The following THBS2 variants were observed in gnomAD, a reference collection of about 807,000 sequenced individuals.
THBS2 encodes the protein thrombospondin-2.
Under a neutral mutation model 135.2 loss-of-function variants are expected in THBS2, and 47 were observed. The ratio of observed to expected loss-of-function variants is 0.35; its 90% CI spans 0.28 to 0.44. The LOEUF is 0.44. Ranked by LOEUF, THBS2 falls within the 20% of genes least tolerant of loss-of-function variation. The pLI, the probability that THBS2 is intolerant of heterozygous loss-of-function variation, is 1.00. For synonymous variants in THBS2, 639 were observed against 633.8 expected (o/e 1.01, Z -0.12); for missense variants, 1,288 against 1,603.1 (o/e 0.80, Z 3.36).
Position 169,252,595 on chromosome 6 carries a change from A to G in THBS2, c.-23+1129T>C, listed in dbSNP as rs1223051054. 1.2e-4 allele frequency among the ~76,000 whole-genome samples: 18 copies of G among 152,218 alleles called. No individual in the cohort carries two copies. The highest frequency in any genetic ancestry group is 1.1e-3 in the Admixed American group (17 of 15,280). The stretch of plus-strand genomic sequence containing the variant: ...ATTCTTACAAGAGCAGGAGGCTAAC[A>G]AAGCATCCCCTGCTGCGGATTGTCA... On this transcript the variant is annotated intron_variant, in intron 1 of 21. Coordinates refer to ENST00000617924, the MANE Select transcript of THBS2 (RefSeq NM_003247.5). This position sits in a 1 kb window ranked among gnomAD's most constrained non-coding sequence, Gnocchi z 4.3.
At chr6:169,242,748 A>G (rs1329855483) in intron 4 of THBS2, among the ~76,000 whole-genome samples, 22 of 98,028 alleles carry the variant, frequency 2.2e-4, no homozygotes, top group Non-Finnish European at 4.7e-4. Context: ...CACCGCTCCC[A>G]CCTTCCCACC....
At position 169,251,517 on chromosome 6, in the gene THBS2, G is replaced by A. The variant is rs866551214; in HGVS notation, c.-22-711C>T. On this transcript the variant is annotated intron_variant, in intron 1 of 21. Transcript: ENST00000617924. Reference sequence around the variant, plus strand: ...GATGTGGTCCAAAGCCCGGCTGGGCGATTAACCCTGTGGATCTCAGCTTCT... The same window carrying A: ...GATGTGGTCCAAAGCCCGGCTGGGCAATTAACCCTGTGGATCTCAGCTTCT... Among the ~76,000 whole-genome samples, 5 of 152,236 alleles carry A rather than the reference G, an allele frequency of 3.3e-5. No individual in the cohort carries two copies. In the South Asian group the frequency reaches 8.3e-4, roughly 25 times the overall value.
At chr6:169,235,982 TCC>T (rs1326206636) in intron 9 of THBS2, among the ~76,000 whole-genome samples, 1 of 21,284 alleles carries the variant, frequency 4.7e-5, no homozygotes, top group Non-Finnish European at 8.5e-5. Context: ...CCACACTCAC[TCC>T]CCCATCCACA....
chr6:169,218,637 T>A (rs377725584), intron 21 of THBS2, among the ~76,000 whole-genome samples: 12 of 87,600 alleles, frequency 1.4e-4, no homozygotes, highest in African/African-American at 4.3e-4. Context: ...ATGGATGAGA[T>A]GGATGGTTGG....
At chr6:169,229,996 C>T (rs1017026877) in intron 13 of THBS2, among the ~76,000 whole-genome samples, 3 of 152,180 alleles carry the variant, frequency 2.0e-5, no homozygotes, top group African/African-American at 7.2e-5. Flanking sequence ...TCTGAGAGAA[C>T]ATGGGAGAGA....
Position 169,241,936 on chromosome 6 carries a change from C to G in THBS2, c.717G>C (p.Glu239Asp), listed in dbSNP as rs201623826. ...GQGAEINAIS[E>D]NTETLRLGPH... is the part of the protein sequence containing the mutation. ...GACCCAGGCGCAGCGTCTCTGTGTT[C>G]TCACTGATGGCGTTGATCTCAGCTG... The change falls in exon 5 of 22, where the codon GAG becomes GAC. Residue 239 changes from glutamate (E) to aspartate (D), a missense_variant. Transcript: ENST00000617924. This position sits in a 1 kb window ranked among gnomAD's most constrained non-coding sequence, Gnocchi z 5.5. 1.9e-6 allele frequency: 3 copies of G among 1,610,892 alleles called. No individual in the cohort carries two copies. Among genetic ancestry groups the G allele is most frequent in the Non-Finnish European group, 2.5e-6 (3 of 1,179,474 alleles).
chr6:169,222,454 C>G lies in THBS2; in HGVS notation c.3016G>C (p.Gly1006Arg). ...PGIAVGFDEF[G>R]SVDFSGTFYV... The stretch of plus-strand genomic sequence containing the variant: ...AATGTGCCACTGAAGTCCACAGACC[C>G]AAACTCGTCAAAACCTGGATGCAAC... The change falls in exon 19 of 22, where the codon GGG (glycine) becomes CGG (arginine). Residue 1006 changes from glycine (G) to arginine (R), a missense_variant. Gly to Arg is a moderately radical substitution (Grantham distance 125, BLOSUM62 -2). Transcript: ENST00000617924. 6.2e-7 allele frequency: 1 copy of G among 1,613,074 alleles called. No homozygotes were observed. Among genetic ancestry groups the G allele is most frequent in the Non-Finnish European group, 8.5e-7 (1 of 1,179,558 alleles).
At position 169,232,143 on chromosome 6, in the gene THBS2, G is replaced by A. The variant is rs780243699; in HGVS notation, c.1988C>T (p.Ala663Val). ...GAAGTGGCCCAGGTAGATGCACTCC[G>A]CGTGCTTGTGGCAGTTGTGTGTCTT... The part of the protein sequence containing the change: ...KDKTHNCHKH[A>V]ECIYLGHFSD... Residue 663 changes from alanine to valine, a missense_variant, in exon 13 of 22, where the codon GCG becomes GTG. Physicochemically the swap from Ala to Val is moderately conservative, Grantham distance 64. This residue lies in a region of THBS2 where 874 missense variants were observed against 1,156.1 expected (regional missense o/e 0.76). Coordinates refer to ENST00000617924, the MANE Select transcript of THBS2 (RefSeq NM_003247.5). 6.2e-7 allele frequency: 1 copy of A among 1,614,068 alleles called. No homozygotes were observed. The highest frequency in any genetic ancestry group is 2.2e-5 in the East Asian group (1 of 44,870).
At chr6:169,239,560 TA>T in intron 7 of THBS2, 38 bp downstream of exon 7, 1 of 1,536,116 alleles carries the variant, frequency 6.5e-7, no homozygotes, top group Admixed American at 1.9e-5. Flanking sequence ...ATGGAATTCC[TA>T]AAAATGCAGG....
chr6:169,244,602 A>G (rs752396449), intron 4 of THBS2, among the ~76,000 whole-genome samples: 10 of 46,324 alleles, frequency 2.2e-4, no homozygotes, highest in African/African-American at 3.5e-4. Flanking sequence ...ACACGCACGC[A>G]CACACACACA....
At chr6:169,251,572 T>A (rs2115039787) in intron 1 of THBS2, among the ~76,000 whole-genome samples, 1 of 152,156 alleles carries the variant, frequency 6.6e-6, no homozygotes, top group African/African-American at 2.4e-5. Context: ...AGCCTGAGGG[T>A]CCCAGGGCTC....
chr6:169,222,838 T>C (rs1479999614), intron 18 of THBS2, among the ~76,000 whole-genome samples: 2 of 149,794 alleles, frequency 1.3e-5, no homozygotes. Context: ...GAAACAGGTT[T>C]CAGGCAATCC....
At chr6:169,239,767 A>C in intron 6 of THBS2, 72 bp from the exon 7 acceptor site, 1 of 1,172,240 alleles carries the variant, frequency 8.5e-7, no homozygotes, top group Non-Finnish European at 1.2e-6. Context: ...GGCTGAGACT[A>C]GAAGGGGTCG....
At chr6:169,234,690 T>C (rs925383103) in intron 10 of THBS2, 44 bp downstream of exon 10, 4 of 1,446,812 alleles carry the variant, frequency 2.8e-6, no homozygotes, top group Admixed American at 5.2e-5. Context: ...TTCATCAGAA[T>C]GGAAGCCCGG....
chr6:169,229,549 T>G (rs756940255), intron 14 of THBS2, 23 bp downstream of exon 14: 5 of 1,603,112 alleles, frequency 3.1e-6, no homozygotes, highest in Non-Finnish European at 4.3e-6. Context: ...CCAGGGCAGG[T>G]GCGCGGCACA....
chr6:169,226,096 G>T, intron 16 of THBS2, 84 bp downstream of exon 16: 3 of 1,411,340 alleles, frequency 2.1e-6, no homozygotes, highest in Non-Finnish European at 2.0e-6. Context: ...AGGGGCAGTT[G>T]TCACAGTGAT....
chr6:169,248,268 T>C (rs1438601100), intron 3 of THBS2, 149 bp downstream of exon 3: 26 of 932,824 alleles, frequency 2.8e-5, no homozygotes, highest in Middle Eastern at 3.5e-4. Context: ...TGTGCACGCA[T>C]GTGTGTGAGC....
chr6:169,224,370 A>G (rs957009374), intron 17 of THBS2, among the ~76,000 whole-genome samples: 3 of 152,192 alleles, frequency 2.0e-5, no homozygotes, highest in Non-Finnish European at 4.4e-5. Flanking sequence ...AGTCCAGATG[A>G]GGCTTGCTGT....
rs139601458 is a variant in THBS2, at chr6:169,221,478, G to A, written c.3323C>T (p.Thr1108Met). 297 of 1,613,996 alleles carry A rather than the reference G, an allele frequency of 1.8e-4. 2 individuals are homozygous for A. The South Asian group carries it at 2.8e-3, about 15-fold the overall frequency. Residue 1108 changes from threonine to methionine, a missense_variant, in exon 20 of 22, where the codon ACG becomes ATG. By Grantham distance (81) the Thr-to-Met change is moderately conservative. Around this residue, in one of 2 missense-constraint regions of THBS2, gnomAD observed 874 missense variants for 1,156.1 expected, o/e 0.76. Coordinates refer to ENST00000617924, the MANE Select transcript of THBS2 (RefSeq NM_003247.5). ...GTGAGTCAGGTGCCACCTATAGGCC[G>A]TGTAGTCCTTCCAGCCAATGTTCCT... is the stretch of plus-strand genomic sequence containing the variant. ...DPRNIGWKDY[T>M]AYRWHLTHRP... is the part of the protein sequence containing the mutation.
Sources: allele counts gnomAD v4.1 joint callset (sites outside exome capture counted in the v4.1 genomes callset), GRCh38; gene constraint gnomAD v4.1.1; regional missense constraint gnomAD v4.1.1; non-coding constraint Gnocchi (gnomAD v3.1); transcripts MANE v1.5; gene names NCBI Gene and HGNC (gene_info 2026-07-23, HGNC 2026-07-21).